Variants in KIF17 observed in about 807,000 individuals in gnomAD.
The protein encoded by KIF17 is kinesin-like protein KIF17.
In KIF17, 80 loss-of-function variants were observed where a neutral mutation model predicts 96.8. That is an observed-to-expected ratio of 0.83 (90% CI 0.69 to 1.00). The LOEUF (loss-of-function observed/expected upper bound fraction) is 1.00. Among genes scored for constraint, KIF17 ranks in the 50% least tolerant of loss-of-function variants. The pLI is 0.00. For missense variants in KIF17, 1,280 were observed against 1,372.9 expected (o/e 0.93, Z 1.07); for synonymous variants, 567 against 587.5 (o/e 0.97, Z 0.51).
chr1:20,669,921 T>G, intron 13 of KIF17, among the ~76,000 whole-genome samples: 1 of 112,422 alleles, frequency 8.9e-6, no homozygotes, highest in South Asian at 3.1e-4. Context: ...CCACCACCCA[T>G]GCTTTAAGAA....
In KIF17 at chr1:20,709,477, C is replaced by T. The variant is rs1476860495; in HGVS notation, c.670+162G>A. ...TTTGCTGCTGTTTATCCTGGGAACA[C>T]GGGTCCCAGCATCCCAAGGGTCCTC... is the stretch of plus-strand genomic sequence containing the variant. On this transcript the variant is annotated intron_variant, in intron 4 of 14. Transcript: ENST00000400463. The surrounding 1 kb of genome is among the most constrained non-coding windows in gnomAD (Gnocchi z 4.7). 1.3e-5 allele frequency among the ~76,000 whole-genome samples: 2 copies of T among 152,180 alleles called. No individual in the cohort carries two copies. Among genetic ancestry groups the T allele is most frequent in the Non-Finnish European group, 2.9e-5 (2 of 68,034 alleles).
chr1:20,687,748 C>CT lies in KIF17; in HGVS notation c.1577dup (p.Val527GlyfsTer7). On this transcript the variant is annotated frameshift_variant, in exon 8 of 15. Coordinates refer to ENST00000400463, the MANE Select transcript of KIF17 (RefSeq NM_001122819.3). LOFTEE classifies it high-confidence loss of function. The surrounding 1 kb of genome is among the most constrained non-coding windows in gnomAD (Gnocchi z 4.4). Reference sequence around the variant, plus strand: ...AAATCTCAGATTTGGAGGGTTCCACCTTGGGCAGCTCCGCAAACCTGGAGG... The same window carrying CT: ...AAATCTCAGATTTGGAGGGTTCCACCTTTGGGCAGCTCCGCAAACCTGGAGG... 1.2e-6 allele frequency: 2 copies of CT among 1,614,192 alleles called. No homozygotes were observed. Among genetic ancestry groups the CT allele is most frequent in the African/African-American group, 2.7e-5 (2 of 75,040 alleles).
At chr1:20,686,343 C>A in intron 8 of KIF17, 1 of 612,084 alleles carries the variant, frequency 1.6e-6, no homozygotes, top group Non-Finnish European at 3.0e-6. Context: ...GTGGTGGGCA[C>A]CTGCTGTGTG....
chr1:20,717,948 C>T lies in KIF17; in HGVS notation c.-242G>A, dbSNP rs1487039626. 2 of 169,110 alleles carry T rather than the reference C, an allele frequency of 1.2e-5. No homozygotes were observed. Among genetic ancestry groups the T allele is most frequent in the East Asian group, 3.6e-4 (2 of 5,586 alleles). The allele number at this position is 169,110 out of a possible 1,614,324, so 10.5% of individuals were successfully genotyped here. On this transcript the variant is annotated 5_prime_UTR_variant, in exon 1 of 15. Transcript: ENST00000400463. ...GCCCGGGCTCGCCCGTTTCTGAGGC[C>T]CGGCCCGAGCGGGGACGTGGGGGAT...
At chr1:20,717,180 T>A (rs1202426562) in intron 1 of KIF17, among the ~76,000 whole-genome samples, 1 of 152,060 alleles carries the variant, frequency 6.6e-6, no homozygotes, top group Non-Finnish European at 1.5e-5. Context: ...AACACAAAAA[T>A]TAGACGGGCG....
Position 20,682,782 on chromosome 1 carries a change from C to A in KIF17, c.2334G>T (p.Arg778Ser). The change falls in exon 11 of 15, where the codon AGG (arginine) becomes AGT (serine). Residue 778 changes from arginine to serine, a missense_variant. Arg to Ser is a moderately radical substitution (Grantham distance 110, BLOSUM62 -1). Transcript: ENST00000400463. ...KRRKRYADER[R>S]KQLVAALQNS... ...TCTGCAGGGCAGCCACCAGCTGCTT[C>A]CTGCGCTCGTCTGCGTAGCGCTTGC... The A allele has an allele frequency of 6.2e-7, 1 of 1,612,948 alleles. No homozygotes were observed. The highest frequency in any genetic ancestry group is 8.5e-7 in the Non-Finnish European group (1 of 1,180,042).
Position 20,709,841 on chromosome 1 carries a change from G to GAAC in KIF17, c.481-16_481-14dup. 1 of 1,595,246 alleles carries GAAC rather than the reference G, an allele frequency of 6.3e-7. No individual in the cohort carries two copies. Among genetic ancestry groups the GAAC allele is most frequent in the Non-Finnish European group, 8.5e-7 (1 of 1,170,958 alleles). On this transcript the variant is annotated splice_polypyrimidine_tract_variant and intron_variant, in intron 3 of 14. Transcript: ENST00000400463. The surrounding 1 kb of genome is among the most constrained non-coding windows in gnomAD (Gnocchi z 4.7). ...GGTGCTCCTTCAGCTGAGGGAGGAG[G>GAAC]AACAGTCAGGGGCGGAACCTCCAGC...
intron 6 of KIF17, among the ~76,000 whole-genome samples, chr1:20,691,085 C>T (rs2054032191): frequency 6.6e-6 from 1 of 151,488 alleles, no homozygotes; most frequent in Non-Finnish European, 1.5e-5. Context: ...TCGCTTGAGG[C>T]CAGGAGTTCA....
At chr1:20,680,128 G>A (rs918575609) in intron 11 of KIF17, among the ~76,000 whole-genome samples, 4 of 152,066 alleles carry the variant, frequency 2.6e-5, no homozygotes, top group African/African-American at 9.7e-5. Flanking sequence ...GAGATTACAG[G>A]CATAAGCCAC....
intron 7 of KIF17, 79 bp downstream of exon 7, chr1:20,690,109 C>G (rs2054011168): frequency 1.3e-6 from 2 of 1,507,648 alleles, no homozygotes; most frequent in African/African-American, 2.7e-5. Context: ...AGAAAATGCT[C>G]TGTGATGCAG....
intron 5 of KIF17, 56 bp from the exon 6 acceptor site, chr1:20,698,544 C>A: frequency 8.5e-7 from 1 of 1,179,356 alleles, no homozygotes; most frequent in Non-Finnish European, 1.3e-6. Flanking sequence ...TGTGCAGGAA[C>A]TAAGCAGAAA....
At position 20,666,265 on chromosome 1, in the gene KIF17, G is replaced by A. The variant is rs2053525489; in HGVS notation, c.2857C>T (p.Arg953Ter). 5.0e-6 allele frequency: 8 copies of A among 1,614,210 alleles called. No individual in the cohort carries two copies. The highest frequency in any genetic ancestry group is 6.8e-6 in the Non-Finnish European group (8 of 1,180,024). ...NSENIASNYF[R>*]SKRASQILST... ...AGGATCTGGCTGGCCCGCTTAGATC[G>A]GAAGTAGTTGCTGGCAATGTTTTCA... Residue 953 changes from arginine to a stop codon, truncating the protein, a stop_gained, in exon 14 of 15, where the codon CGA becomes TGA. Transcript: ENST00000400463. LOFTEE classifies it high-confidence loss of function.
At position 20,686,052 on chromosome 1, in the gene KIF17, G is replaced by T; in HGVS notation, c.2013C>A (p.Pro671=). ...PEAEAADDFP[P]RPEVDLASEV... The stretch of plus-strand genomic sequence containing the variant: ...GGCCCGGGGAGGTACTCACAGGCCT[G>T]GGCGGGAAGTCATCAGCCGCCTCGG... The change falls in exon 9 of 15, where the codon CCC becomes CCA. Residue 671 remains proline (P), a synonymous_variant. Coordinates refer to ENST00000400463, the MANE Select transcript of KIF17 (RefSeq NM_001122819.3). 6.4e-7 allele frequency: 1 copy of T among 1,555,910 alleles called. No individual in the cohort carries two copies.
chr1:20,716,510 A>G (rs996876255), intron 1 of KIF17, among the ~76,000 whole-genome samples: 1 of 152,244 alleles, frequency 6.6e-6, no homozygotes, highest in Non-Finnish European at 1.5e-5. Flanking sequence ...ACAGGATGGC[A>G]CAGGAAGAAC....
Position 20,682,807 on chromosome 1 carries a change from CGCCGCTTGT to C in KIF17, c.2300_2308del (p.His767_Arg769del), listed in dbSNP as rs1296457459. 1 of 1,612,552 alleles carries C rather than the reference CGCCGCTTGT, an allele frequency of 6.2e-7. No individual in the cohort carries two copies. Among genetic ancestry groups the C allele is most frequent in the African/African-American group, 1.3e-5 (1 of 74,946 alleles). ...CCTGCGCTCGTCTGCGTAGCGCTTGCGCCGCTTGTGCTTCTCCTTCAGGTCCTTGTTCTT... is the reference window on the plus strand; with the variant it reads ...CCTGCGCTCGTCTGCGTAGCGCTTGCGCTTCTCCTTCAGGTCCTTGTTCTT... On this transcript the variant is annotated inframe_deletion, in exon 11 of 15. Coordinates refer to ENST00000400463, the MANE Select transcript of KIF17 (RefSeq NM_001122819.3).
Position 20,687,157 on chromosome 1 carries a change from C to G in KIF17, c.1938+231G>C, listed in dbSNP as rs2053952501. Reference sequence around the variant, plus strand: ...CTGGCATAACCTTGCATCGCGACCCCAACTTTCTTATTGAATTACAGAGCA... The same window carrying G: ...CTGGCATAACCTTGCATCGCGACCCGAACTTTCTTATTGAATTACAGAGCA... On this transcript the variant is annotated intron_variant, in intron 8 of 14. Coordinates refer to ENST00000400463, the MANE Select transcript of KIF17 (RefSeq NM_001122819.3). The surrounding 1 kb of genome is among the most constrained non-coding windows in gnomAD (Gnocchi z 4.4). 6.6e-6 allele frequency among the ~76,000 whole-genome samples: 1 copy of G among 152,184 alleles called. No individual in the cohort carries two copies. Among genetic ancestry groups the G allele is most frequent in the African/African-American group, 2.4e-5 (1 of 41,456 alleles).
chr1:20,713,916 G>A (rs75134566), intron 2 of KIF17, among the ~76,000 whole-genome samples: 2,821 of 152,230 alleles, frequency 0.019, 78 homozygotes, highest in African/African-American at 0.063. Flanking sequence ...AGGGCGGGGC[G>A]CTGCTCATGC....
intron 6 of KIF17, among the ~76,000 whole-genome samples, chr1:20,696,793 GAAC>G (rs1351513882): frequency 1.3e-5 from 2 of 152,002 alleles, no homozygotes; most frequent in Admixed American, 1.3e-4. Context: ...TGCCCACTCC[GAAC>G]AACAGCAGGC....
chr1:20,675,431 A>T (rs533996694), intron 11 of KIF17, among the ~76,000 whole-genome samples: 1 of 150,038 alleles, frequency 6.7e-6, no homozygotes, highest in Admixed American at 6.7e-5. Flanking sequence ...CTGGGCGACA[A>T]AGCGAGACTC....
Sources: gnomAD v4.1 joint callset for allele counts (sites outside exome capture counted in the v4.1 genomes callset) on GRCh38, gnomAD v4.1.1 for gene constraint, Gnocchi (gnomAD v3.1) non-coding constraint, MANE v1.5 for transcripts, NCBI Gene and HGNC (gene_info 2026-07-23, HGNC 2026-07-21) for gene names.